The following SYN3 variants were observed in gnomAD, a reference collection of about 807,000 sequenced individuals.
The protein encoded by SYN3 is synapsin III.
A neutral mutation model predicts 65.8 loss-of-function variants in SYN3; 35 were observed. That is an observed-to-expected ratio of 0.53 (90% CI 0.41 to 0.70). The LOEUF (loss-of-function observed/expected upper bound fraction) is 0.70, where lower values mean the gene tolerates loss of function less well. SYN3 is among the 30% of genes least tolerant of loss of function. The pLI is 0.00. For missense variants in SYN3, 680 were observed against 749.0 expected (o/e 0.91, Z 1.08); for synonymous variants, 270 against 292.9 (o/e 0.92, Z 0.80).
chr22:32,762,292 C>A (rs1335187309), intron 6 of SYN3, among the ~76,000 whole-genome samples: 1 of 151,572 alleles, frequency 6.6e-6, no homozygotes, highest in Admixed American at 6.6e-5. Flanking sequence ...GACTGGCACC[C>A]TCTTCTCCCC....
At chr22:32,857,870 T>G in intron 6 of SYN3, 3 of 1,197,418 alleles carry the variant, frequency 2.5e-6, no homozygotes, top group Non-Finnish European at 3.7e-6. Flanking sequence ...TTTTAAAAGG[T>G]GTTGGGTAGG....
chr22:32,844,810 A>C (rs1440897255), intron 6 of SYN3, among the ~76,000 whole-genome samples: 3 of 151,982 alleles, frequency 2.0e-5, no homozygotes, highest in Non-Finnish European at 4.4e-5. Flanking sequence ...TCCTGGGCTC[A>C]AGCAATCCTC....
intron 6 of SYN3, among the ~76,000 whole-genome samples, chr22:32,736,118 C>A (rs2061334587): frequency 6.6e-6 from 1 of 152,146 alleles, no homozygotes; most frequent in Non-Finnish European, 1.5e-5. Flanking sequence ...AATTTACATG[C>A]AATAAAGGCA....
chr22:32,945,152 A>T (rs990005344), intron 3 of SYN3, among the ~76,000 whole-genome samples: 1 of 152,254 alleles, frequency 6.6e-6, no homozygotes, highest in South Asian at 2.1e-4. Flanking sequence ...ATCCCCATTA[A>T]GCTACCAATG....
chr22:32,680,856 C>T (rs2060513155), intron 6 of SYN3, among the ~76,000 whole-genome samples: 1 of 152,202 alleles, frequency 6.6e-6, no homozygotes, highest in Admixed American at 6.5e-5. Flanking sequence ...TAGGCTATTG[C>T]TAACATCAAA....
At chr22:33,007,674 C>T (rs1051417336) in intron 1 of SYN3, among the ~76,000 whole-genome samples, 3 of 152,212 alleles carry the variant, frequency 2.0e-5, no homozygotes, top group African/African-American at 7.2e-5. Flanking sequence ...TCACCAGAAC[C>T]AGGCAAAGCT....
rs58987529 is a variant in SYN3 at position 32,647,451 on chromosome 22, C to CTTTT, written c.712-50719_712-50716dup. 2.7e-3 allele frequency among the ~76,000 whole-genome samples: 389 copies of CTTTT among 144,878 alleles called. 1 individual carries two copies. Among genetic ancestry groups the CTTTT allele is most frequent in the African/African-American group, 8.7e-3 (345 of 39,704 alleles). On this transcript the variant is annotated intron_variant, in intron 6 of 13. Transcript: ENST00000358763. ...TTCTAGCTTTGAGATTTTTCTTTTTCTTTTTTTTTTTTTGAGACAGGGTCT... is the reference window on the plus strand; with the variant it reads ...TTCTAGCTTTGAGATTTTTCTTTTTCTTTTTTTTTTTTTTTTTGAGACAGGGTCT...
rs117200016 is a variant in SYN3, at chr22:32,594,714, C to T, written c.774+1960G>A. On this transcript the variant is annotated intron_variant, in intron 7 of 13. Coordinates refer to ENST00000358763, the MANE Select transcript of SYN3 (RefSeq NM_003490.4). ...GGTTGGTCAGGCTGGTCTCTAACTCCGAACCTCAGGTGATCCACCCTCTTT... is the reference window on the plus strand; with the variant it reads ...GGTTGGTCAGGCTGGTCTCTAACTCTGAACCTCAGGTGATCCACCCTCTTT... Among the ~76,000 whole-genome samples the T allele has an allele frequency of 6.6e-4, 100 of 152,274 alleles. 1 individual carries two copies. The highest frequency in any genetic ancestry group is 6.0e-3 in the East Asian group (31 of 5,182).
intron 6 of SYN3, among the ~76,000 whole-genome samples, chr22:32,604,569 G>A (rs5754165): frequency 0.71 from 84,403 of 119,080 alleles, 27,546 homozygotes; most frequent in African/African-American, 0.81. Flanking sequence ...TTCTAGGCCA[G>A]TCCCGTCTCA....
Position 33,006,692 on chromosome 22 carries a change from C to A in SYN3, c.-30G>T. 6.4e-7 allele frequency: 1 copy of A among 1,552,358 alleles called. No homozygotes were observed. The highest frequency in any genetic ancestry group is 8.7e-7 in the Non-Finnish European group (1 of 1,148,350). On this transcript the variant is annotated 5_prime_UTR_variant, in exon 2 of 14. It adds an upstream start codon to the 5' untranslated region. Coordinates refer to ENST00000358763, the MANE Select transcript of SYN3 (RefSeq NM_003490.4). ...GTGGATGGATGGAGATGACTGGCTCCTACCCAGACGTGTGTAGGTGAGGCC... is the reference window on the plus strand; with the variant it reads ...GTGGATGGATGGAGATGACTGGCTCATACCCAGACGTGTGTAGGTGAGGCC...
intron 2 of SYN3, among the ~76,000 whole-genome samples, chr22:33,005,738 T>C (rs1224869972): frequency 6.6e-6 from 1 of 152,228 alleles, no homozygotes; most frequent in Admixed American, 6.5e-5. Flanking sequence ...ACTCAGGCAC[T>C]CTGATCCCAA....
chr22:32,868,728 G>A (rs1370123487), intron 5 of SYN3, among the ~76,000 whole-genome samples: 2 of 152,010 alleles, frequency 1.3e-5, no homozygotes, highest in Non-Finnish European at 2.9e-5. Context: ...TGGGATTACA[G>A]GCATAAGCCA....
intron 6 of SYN3, among the ~76,000 whole-genome samples, chr22:32,610,140 G>T (rs2059421760): frequency 6.6e-6 from 1 of 152,046 alleles, no homozygotes; most frequent in Admixed American, 6.6e-5. Context: ...AATTAGCTGG[G>T]TGTGGTGGTG....
At chr22:32,805,146 G>C (rs923814017) in intron 6 of SYN3, among the ~76,000 whole-genome samples, 5 of 152,138 alleles carry the variant, frequency 3.3e-5, no homozygotes, top group Non-Finnish European at 5.9e-5. Context: ...CTTCTCTCTT[G>C]CCGCCTTTGC....
intron 6 of SYN3, among the ~76,000 whole-genome samples, chr22:32,735,321 G>A (rs930285083): frequency 6.6e-6 from 1 of 152,176 alleles, no homozygotes; most frequent in African/African-American, 2.4e-5. Context: ...CTACATGACA[G>A]GGTAGCTGAG....
intron 7 of SYN3, among the ~76,000 whole-genome samples, chr22:32,567,830 C>T (rs977860161): frequency 6.6e-6 from 1 of 152,108 alleles, no homozygotes; most frequent in Non-Finnish European, 1.5e-5. Flanking sequence ...TACTCCCAAG[C>T]TGATGAAACC....
chr22:32,992,184 G>C (rs930189168), intron 2 of SYN3, among the ~76,000 whole-genome samples: 11 of 152,266 alleles, frequency 7.2e-5, no homozygotes, highest in Admixed American at 4.6e-4. Flanking sequence ...AAGTGATAGA[G>C]AAGACATCAG....
intron 6 of SYN3, among the ~76,000 whole-genome samples, chr22:32,650,592 T>C (rs1013292545): frequency 1.3e-5 from 2 of 152,086 alleles, no homozygotes; most frequent in East Asian, 1.9e-4. Context: ...CTTTCAATCT[T>C]CACAATAATG....
intron 4 of SYN3, among the ~76,000 whole-genome samples, chr22:32,888,728 T>G (rs1165354366): frequency 6.6e-6 from 1 of 152,166 alleles, no homozygotes; most frequent in Non-Finnish European, 1.5e-5. Flanking sequence ...AAATCTGAAA[T>G]GCTCCAAAAT....
Sources: gnomAD v4.1 joint callset for allele counts (sites outside exome capture counted in the v4.1 genomes callset) on GRCh38, gnomAD v4.1.1 for gene constraint, MANE v1.5 for transcripts, NCBI Gene and HGNC (gene_info 2026-07-23, HGNC 2026-07-21) for gene names.